The following DIAPH1 variants were observed in gnomAD, a reference collection of about 807,000 sequenced individuals.
The protein encoded by DIAPH1 is protein diaphanous homolog 1.
A neutral mutation model predicts 140.7 loss-of-function variants in DIAPH1; 46 were observed. The ratio of observed to expected loss-of-function variants is 0.33; its 90% CI spans 0.26 to 0.42. The LOEUF (loss-of-function observed/expected upper bound fraction) is 0.42, where lower values mean the gene tolerates loss of function less well. DIAPH1 is among the 10% of genes least tolerant of loss of function. The pLI is 1.00. For synonymous variants in DIAPH1, 565 were observed against 551.6 expected (o/e 1.02, Z -0.34); for missense variants, 1,310 against 1,558.7 (o/e 0.84, Z 2.69).
At chr5:141,579,242 C>T (rs763782049) in intron 8 of DIAPH1, 46 bp from the exon 9 acceptor site, 14 of 1,403,620 alleles carry the variant, frequency 1.0e-5, no homozygotes, top group Non-Finnish European at 1.4e-5. Flanking sequence ...GGTACTGTGA[C>T]ACGGACACGT....
chr5:141,609,275 T>A (rs764188069), intron 1 of DIAPH1, among the ~76,000 whole-genome samples: 1 of 151,896 alleles, frequency 6.6e-6, no homozygotes, highest in Non-Finnish European at 1.5e-5. Flanking sequence ...TTCATTTTAA[T>A]AGACTGTAGA....
At chr5:141,547,561 C>T (rs528559778) in intron 18 of DIAPH1, among the ~76,000 whole-genome samples, 1 of 152,148 alleles carries the variant, frequency 6.6e-6, no homozygotes, top group East Asian at 1.9e-4. Flanking sequence ...ATGGGTTTAA[C>T]AGTAGACATA....
At chr5:141,564,941 T>G (rs2099894148) in intron 18 of DIAPH1, 1 of 152,200 alleles carries the variant, frequency 6.6e-6, no homozygotes, top group South Asian at 2.1e-4. Context: ...CCATAAATAT[T>G]TTTTTATTTT....
intron 27 of DIAPH1, among the ~76,000 whole-genome samples, chr5:141,518,243 T>C (rs570925820): frequency 6.6e-6 from 1 of 150,628 alleles, no homozygotes; most frequent in South Asian, 2.1e-4. Context: ...ATCTTGTGGA[T>C]ATTCTAAAAC....
rs1393894659 is a variant in DIAPH1 at position 141,582,383 on chromosome 5, T to C, written c.621-8A>G. ...TTCCGGCTATCGTAACTCCTGTATA[T>C]AGAAGACATAATCAGTGAGGTCCCT... On this transcript the variant is annotated splice_region_variant and splice_polypyrimidine_tract_variant and intron_variant, in intron 6 of 27. Coordinates refer to ENST00000389054, the MANE Select transcript of DIAPH1 (RefSeq NM_005219.5). 4 of 1,605,552 alleles carry C rather than the reference T, an allele frequency of 2.5e-6. No homozygotes were observed. In the Admixed American group the frequency reaches 6.7e-5, roughly 27 times the overall value.
intron 1 of DIAPH1, among the ~76,000 whole-genome samples, chr5:141,601,267 T>C (rs895336397): frequency 1.3e-5 from 2 of 150,050 alleles, no homozygotes; most frequent in African/African-American, 4.9e-5. Context: ...AAATAAAATC[T>C]TAGACACAGA....
chr5:141,614,123 G>C (rs2099902268), intron 1 of DIAPH1, among the ~76,000 whole-genome samples: 1 of 152,130 alleles, frequency 6.6e-6, no homozygotes, highest in African/African-American at 2.4e-5. Flanking sequence ...AATGAAAAAA[G>C]AAAACCACTT....
intron 1 of DIAPH1, among the ~76,000 whole-genome samples, chr5:141,605,124 T>C (rs1360301500): frequency 1.3e-5 from 2 of 152,168 alleles, no homozygotes; most frequent in Non-Finnish European, 2.9e-5. Context: ...AAACAAAGTA[T>C]GGGACTGTTT....
At chr5:141,554,362 A>G (rs2099892221) in intron 18 of DIAPH1, among the ~76,000 whole-genome samples, 1 of 152,234 alleles carries the variant, frequency 6.6e-6, no homozygotes, top group Non-Finnish European at 1.5e-5. Flanking sequence ...CTAGAAAAAC[A>G]TAACACATCA....
chr5:141,587,359 C>G, intron 2 of DIAPH1, 162 bp from the exon 3 acceptor site: 1 of 711,046 alleles, frequency 1.4e-6, no homozygotes, highest in Admixed American at 2.2e-5. Flanking sequence ...CAGTCTTCCT[C>G]CTATCTAACT....
intron 3 of DIAPH1, among the ~76,000 whole-genome samples, chr5:141,586,522 AAAGT>A (rs2099897580): frequency 6.6e-6 from 1 of 152,260 alleles, no homozygotes; most frequent in Non-Finnish European, 1.5e-5. Context: ...TGAGGACAAC[AAAGT>A]AAGTCACATG....
chr5:141,555,778 C>T (rs1365917452), intron 18 of DIAPH1, among the ~76,000 whole-genome samples: 6 of 152,216 alleles, frequency 3.9e-5, no homozygotes, highest in Non-Finnish European at 7.3e-5. Flanking sequence ...GACCCTTACA[C>T]CTAGCTATGT....
At chr5:141,536,370 T>C (rs1478062300) in intron 18 of DIAPH1, among the ~76,000 whole-genome samples, 1 of 152,004 alleles carries the variant, frequency 6.6e-6, no homozygotes, top group Non-Finnish European at 1.5e-5. Flanking sequence ...TACACAAAGA[T>C]TAATTATCTC....
Position 141,532,149 on chromosome 5 carries a change from C to G in DIAPH1, c.2581+2186G>C, listed in dbSNP as rs78395804. ...ATGCTGATCCCTCTCCTGAAACAAG[C>G]CAACCTTCCCGCCTTCACTTAATTT... is the stretch of plus-strand genomic sequence containing the variant. On this transcript the variant is annotated intron_variant, in intron 19 of 27. Coordinates refer to ENST00000389054, the MANE Select transcript of DIAPH1 (RefSeq NM_005219.5). Among the ~76,000 whole-genome samples the G allele has an allele frequency of 9.8e-4, 149 of 152,228 alleles. No homozygotes were observed. In the East Asian group the frequency reaches 0.028, roughly 28 times the overall value.
At chr5:141,524,301 A>G in intron 26 of DIAPH1, 72 bp from the exon 27 acceptor site, 2 of 1,388,540 alleles carry the variant, frequency 1.4e-6, no homozygotes, top group Non-Finnish European at 2.1e-6. Context: ...AGCCCCACAC[A>G]AAATGAATGG....
intron 18 of DIAPH1, among the ~76,000 whole-genome samples, chr5:141,559,430 T>C (rs2099893177): frequency 6.6e-6 from 1 of 152,118 alleles, no homozygotes; most frequent in Non-Finnish European, 1.5e-5. Flanking sequence ...ATGTGCAAGC[T>C]GTAAGGAGGG....
At chr5:141,601,909 C>G (rs2099900198) in intron 1 of DIAPH1, among the ~76,000 whole-genome samples, 1 of 152,142 alleles carries the variant, frequency 6.6e-6, no homozygotes, top group Non-Finnish European at 1.5e-5. Context: ...ACCAAGGAAC[C>G]TTGACTGGAG....
rs34465200 is a variant in DIAPH1, at chr5:141,572,767, CAAA to C, written c.2358+722_2358+724del. Among the ~76,000 whole-genome samples, 591 of 132,412 alleles carry C rather than the reference CAAA, an allele frequency of 4.5e-3. 3 individuals are homozygous for C. Among genetic ancestry groups the C allele is most frequent in the African/African-American group, 0.014 (514 of 36,576 alleles). The allele number at this position is 132,412 out of a possible 152,430, so 86.9% of individuals were successfully genotyped here. A position where few individuals can be genotyped will look rare whatever the true frequency, so the allele number is the denominator to read the frequency against. Reference sequence around the variant, plus strand: ...TGGGCAACAGAGCAAGACTCCAACTCAAAAAAAAAAAAAAAAATGGCCTGTGTA... The same window carrying C: ...TGGGCAACAGAGCAAGACTCCAACTCAAAAAAAAAAAAAATGGCCTGTGTA... On this transcript the variant is annotated intron_variant, in intron 16 of 27. Coordinates refer to ENST00000389054, the MANE Select transcript of DIAPH1 (RefSeq NM_005219.5).
In DIAPH1 at chr5:141,516,911, G is replaced by A; in HGVS notation, c.3759C>T (p.Asn1253=). 1 of 1,614,230 alleles carries A rather than the reference G, an allele frequency of 6.2e-7. No homozygotes were observed. Among genetic ancestry groups the A allele is most frequent in the Non-Finnish European group, 8.5e-7 (1 of 1,180,050 alleles). The part of the protein sequence containing the change: ...MAAVPAKVSK[N]SETFPTILEE... ...CAAGGATTGTGGGGAATGTCTCACT[G>A]TTCTTGGACACCTTGGCAGGAACAG... The change falls in exon 28 of 28, where the codon AAC becomes AAT. Residue 1253 remains asparagine (N), a synonymous_variant. Transcript: ENST00000389054.
Sources: allele counts gnomAD v4.1 joint callset (sites outside exome capture counted in the v4.1 genomes callset), GRCh38; gene constraint gnomAD v4.1.1; transcripts MANE v1.5; gene names NCBI Gene and HGNC (gene_info 2026-07-23, HGNC 2026-07-21).